The following ZEB1 variants were observed in gnomAD, a reference collection of about 807,000 sequenced individuals.
The protein encoded by ZEB1 is zinc finger E-box-binding homeobox 1.
ZEB1 carries 21 observed loss-of-function variants against 84.9 expected under a neutral mutation model. That is an observed-to-expected ratio of 0.25 (90% CI 0.18 to 0.36). The LOEUF is 0.36. Among genes scored for constraint, ZEB1 ranks in the 10% least tolerant of loss-of-function variants. The pLI is 1.00. For missense variants in ZEB1, 1,104 were observed against 1,330.2 expected (o/e 0.83, Z 2.65); for synonymous variants, 420 against 471.1 (o/e 0.89, Z 1.41).
chr10:31,318,946 C>G (rs1006064387), upstream of ZEB1: 2 of 496,174 alleles, frequency 4.0e-6, no homozygotes, highest in Non-Finnish European at 7.4e-6. Flanking sequence ...CCTACGGTTT[C>G]CCGGCATCCG....
At chr10:31,362,819 G>A (rs749020751) in intron 1 of ZEB1, 21 of 887,920 alleles carry the variant, frequency 2.4e-5, no homozygotes, top group Non-Finnish European at 3.0e-5. Context: ...GAGCCACCAC[G>A]CCTGCCCTGC....
intron 1 of ZEB1, among the ~76,000 whole-genome samples, chr10:31,459,494 G>A (rs981195111): frequency 1.3e-5 from 2 of 151,914 alleles, no homozygotes; most frequent in Non-Finnish European, 2.9e-5. Flanking sequence ...GAAAAATAGG[G>A]CTGCCTTTAC....
At chr10:31,490,805 A>G (rs116831119) in intron 2 of ZEB1, among the ~76,000 whole-genome samples, 2,848 of 151,878 alleles carry the variant, frequency 0.019, 88 homozygotes, top group African/African-American at 0.063. Flanking sequence ...GTTAAATAAG[A>G]CTAATACTTC....
intron 1 of ZEB1, among the ~76,000 whole-genome samples, chr10:31,459,341 A>T: frequency 6.6e-6 from 1 of 152,100 alleles, no homozygotes. Context: ...CTGGATTTAT[A>T]TTAAATATAA....
intron 6 of ZEB1, among the ~76,000 whole-genome samples, chr10:31,516,020 A>G (rs1207433299): frequency 6.6e-6 from 1 of 152,114 alleles, no homozygotes; most frequent in Non-Finnish European, 1.5e-5. Flanking sequence ...ATTTTGTCAT[A>G]TTGCAGTCAT....
intron 1 of ZEB1, among the ~76,000 whole-genome samples, chr10:31,394,977 A>G (rs2135342966): frequency 6.6e-6 from 1 of 152,262 alleles, no homozygotes; most frequent in South Asian, 2.1e-4. Flanking sequence ...CTGGGTCCTG[A>G]CTTGGGCAGG....
intron 1 of ZEB1, among the ~76,000 whole-genome samples, chr10:31,356,677 A>AC (rs1392871939): frequency 6.6e-6 from 1 of 152,140 alleles, no homozygotes; most frequent in Non-Finnish European, 1.5e-5. Flanking sequence ...TCTTTCATGT[A>AC]CCTATGGCTG....
intron 1 of ZEB1, among the ~76,000 whole-genome samples, chr10:31,422,361 T>C (rs1371664943): frequency 6.6e-6 from 1 of 152,116 alleles, no homozygotes; most frequent in East Asian, 1.9e-4. Flanking sequence ...CCAAAGAAAA[T>C]GTTCAGGAAT....
At chr10:31,468,471 G>A (rs2062721300) in intron 2 of ZEB1, among the ~76,000 whole-genome samples, 1 of 152,168 alleles carries the variant, frequency 6.6e-6, no homozygotes, top group Admixed American at 6.5e-5. Context: ...CTGGCCTGTA[G>A]GGTGAACTGC....
chr10:31,472,485 A>G (rs1302280162), intron 2 of ZEB1, among the ~76,000 whole-genome samples: 1 of 151,798 alleles, frequency 6.6e-6, no homozygotes, highest in Non-Finnish European at 1.5e-5. Flanking sequence ...CTCGACACAT[A>G]CACTCTCCCA....
chr10:31,353,074 G>T (rs1275247255), intron 1 of ZEB1, among the ~76,000 whole-genome samples: 1 of 152,098 alleles, frequency 6.6e-6, no homozygotes, highest in Non-Finnish European at 1.5e-5. Flanking sequence ...TTTACACTAG[G>T]GTCACTTAAG....
intron 4 of ZEB1, 123 bp from the exon 5 acceptor site, chr10:31,510,534 GAGTATCATTGCATTGT>G: frequency 1.4e-6 from 1 of 691,162 alleles, no homozygotes; most frequent in Non-Finnish European, 2.5e-6. Flanking sequence ...AAATAGAGAT[GAGTATCATTGCATTGT>G]TTTGAGGATC....
At position 31,361,681 on chromosome 10, in the gene ZEB1, G is replaced by A. The variant is rs530371070; in HGVS notation, c.58+42389G>A. ...GTGCTCCTCACTTTCCAGACAGGGC[G>A]GCGGCTGGGCAGGGGCGCTCCTCAC... On this transcript the variant is annotated intron_variant, in intron 1 of 8. Transcript: ENST00000424869. 2.3e-3 allele frequency among the ~76,000 whole-genome samples: 344 copies of A among 151,638 alleles called. 2 individuals are homozygous for A. Among genetic ancestry groups the A allele is most frequent in the Non-Finnish European group, 2.6e-3 (179 of 67,892 alleles).
At chr10:31,359,873 T>TAA (rs2042714767) in intron 1 of ZEB1, among the ~76,000 whole-genome samples, 1 of 152,196 alleles carries the variant, frequency 6.6e-6, no homozygotes, top group South Asian at 2.1e-4. Flanking sequence ...TGATGAAAAT[T>TAA]TCTTAAGACA....
At chr10:31,460,258 T>A (rs540907365) in intron 1 of ZEB1, among the ~76,000 whole-genome samples, 1 of 152,234 alleles carries the variant, frequency 6.6e-6, no homozygotes, top group Non-Finnish European at 1.5e-5. Context: ...AATAAAATGC[T>A]GATGTTATAT....
At position 31,520,712 on chromosome 10, in the gene ZEB1, C is replaced by T. The variant is rs1185958500; in HGVS notation, c.1380C>T (p.Ala460=). The stretch of plus-strand genomic sequence containing the variant: ...AAGGTGGCCATTCTGTTATTTCAGC[C>T]ATCAGTCTTCCTTTGGTTGATCAAG... ...IQQGGHSVIS[A]ISLPLVDQDG... The change falls in exon 7 of 9, where the codon GCC becomes GCT. Residue 460 remains alanine (A), a synonymous_variant. Coordinates refer to ENST00000424869, the MANE Select transcript of ZEB1 (RefSeq NM_001174096.2). The surrounding 1 kb of genome is among the most constrained non-coding windows in gnomAD (Gnocchi z 5.1). 1.2e-6 allele frequency: 2 copies of T among 1,614,068 alleles called. No individual in the cohort carries two copies. The highest frequency in any genetic ancestry group is 3.3e-5 in the Admixed American group (2 of 60,002).
chr10:31,509,953 A>C lies in ZEB1; in HGVS notation c.485-720A>C, dbSNP rs562344641. ...AATGCCTTTGTTTTCTAAAAGCTAT[A>C]TATATTCATACATATACAGTTATAT... is the stretch of plus-strand genomic sequence containing the variant. On this transcript the variant is annotated intron_variant, in intron 4 of 8. Coordinates refer to ENST00000424869, the MANE Select transcript of ZEB1 (RefSeq NM_001174096.2). Among the ~76,000 whole-genome samples the C allele has an allele frequency of 3.3e-5, 5 of 152,288 alleles. No homozygotes were observed. In the South Asian group the frequency reaches 8.3e-4, roughly 25 times the overall value.
intron 1 of ZEB1, among the ~76,000 whole-genome samples, chr10:31,412,268 TTTA>T (rs1481434920): frequency 2.0e-5 from 3 of 152,192 alleles, no homozygotes; most frequent in African/African-American, 7.2e-5. Context: ...CACCTCTTTT[TTTA>T]TTATTATACT....
rs1041806538 is a variant in ZEB1 at position 31,520,811 on chromosome 10, A to T, written c.1479A>T (p.Leu493Phe). ...AACTTCAAGTTGTTCCTCAAAATTTAAAAAAAGAAAATCCAGTCGCTACAA... is the reference window on the plus strand; with the variant it reads ...AACTTCAAGTTGTTCCTCAAAATTTTAAAAAAGAAAATCCAGTCGCTACAA... ...PSQLQVVPQNLKKENPVATNS... is the reference protein window; with the variant it reads ...PSQLQVVPQNFKKENPVATNS... The change falls in exon 7 of 9, where the codon TTA (leucine) becomes TTT (phenylalanine). Residue 493 changes from leucine to phenylalanine, a missense_variant. Physicochemically the swap from Leu to Phe is conservative, Grantham distance 22. This residue lies in a region of ZEB1 where 531 missense variants were observed against 575.2 expected (regional missense o/e 0.92). Transcript: ENST00000424869. This position sits in a 1 kb window ranked among gnomAD's most constrained non-coding sequence, Gnocchi z 5.1. 16 of 1,614,032 alleles carry T rather than the reference A, an allele frequency of 9.9e-6. No homozygotes were observed. In the Middle Eastern group the frequency reaches 4.9e-4, roughly 50 times the overall value.
Sources: gnomAD v4.1 joint callset for allele counts (sites outside exome capture counted in the v4.1 genomes callset) on GRCh38, gnomAD v4.1.1 for gene constraint, gnomAD v4.1.1 regional missense constraint, Gnocchi (gnomAD v3.1) non-coding constraint, MANE v1.5 for transcripts, NCBI Gene and HGNC (gene_info 2026-07-23, HGNC 2026-07-21) for gene names.